ABLIM1: variants seen among roughly 807,000 people sequenced by gnomAD.
The protein encoded by ABLIM1 is actin binding LIM protein 1.
Under a neutral mutation model 107.0 loss-of-function variants are expected in ABLIM1, and 40 were observed. That is an observed-to-expected ratio of 0.37 (90% confidence interval 0.29 to 0.49). The LOEUF (loss-of-function observed/expected upper bound fraction) is 0.49, where lower values mean the gene tolerates loss of function less well. ABLIM1 is among the 20% of genes least tolerant of loss of function. The pLI is 0.97. For missense variants in ABLIM1, 857 were observed against 1,008.5 expected, an observed-to-expected ratio of 0.85 and a Z score of 2.04; for synonymous variants, 357 against 357.3, an observed-to-expected ratio of 1.00 and a Z score of 0.01.
chr10:114,546,672 C>T (rs922132409), intron 5 of ABLIM1, among the ~76,000 whole-genome samples: 1 of 152,180 alleles, frequency 6.6e-6, no homozygotes, highest in Admixed American at 6.5e-5. Context: ...GGGGCCCAAG[C>T]AACCTTTTGT....
chr10:114,605,203 T>C (rs1485973452), intron 1 of ABLIM1, among the ~76,000 whole-genome samples: 1 of 152,218 alleles, frequency 6.6e-6, no homozygotes, highest in Non-Finnish European at 1.5e-5. Context: ...CTCAAGTCAG[T>C]GTCAAGAAAG....
the ABLIM1 span, chr10:114,776,217 G>T: frequency 6.6e-6 from 1 of 151,644 alleles, no homozygotes; most frequent in Non-Finnish European, 1.5e-5. Flanking sequence ...GCAGTTTGAA[G>T]ATGTGTCATT....
At chr10:114,654,903 G>C (rs139123636) in intron 1 of ABLIM1, among the ~76,000 whole-genome samples, 292 of 152,292 alleles carry the variant, frequency 1.9e-3, no homozygotes, top group Non-Finnish European at 3.4e-3. Flanking sequence ...CATTCTAGGG[G>C]ACAAGCCTAG....
In ABLIM1 at chr10:114,472,421, T is replaced by G. The variant is rs1333513905; in HGVS notation, c.1275+556A>C. On this transcript the variant is annotated intron_variant, in intron 10 of 22. Coordinates refer to ENST00000533213, the MANE Select transcript of ABLIM1 (RefSeq NM_002313.7). ...AACTAGCAGCAGAATGGCTGTCACA[T>G]GGTCAAAGTCAAACAATCGGCATGT... 3.3e-5 allele frequency among the ~76,000 whole-genome samples: 5 copies of G among 152,104 alleles called. No homozygotes were observed. The East Asian group carries it at 9.6e-4, about 29-fold the overall frequency.
At chr10:114,540,503 G>A (rs539844381) in intron 6 of ABLIM1, among the ~76,000 whole-genome samples, 1 of 152,246 alleles carries the variant, frequency 6.6e-6, no homozygotes, top group East Asian at 1.9e-4. Context: ...GGGCTTACAA[G>A]GATTAAGGAA....
intron 6 of ABLIM1, among the ~76,000 whole-genome samples, chr10:114,543,771 C>T (rs2066977340): frequency 6.6e-6 from 1 of 152,224 alleles, no homozygotes. Flanking sequence ...TCTGTCACAT[C>T]GGTGCCCAAC....
chr10:114,465,974 G>A, intron 11 of ABLIM1, 147 bp from the exon 12 acceptor site: 1 of 950,512 alleles, frequency 1.1e-6, no homozygotes, highest in Middle Eastern at 2.8e-4. Context: ...AATTTTGCAG[G>A]TATTTTATAT....
At chr10:114,744,097 G>C (rs2082337694) in intron 1 of ABLIM1, among the ~76,000 whole-genome samples, 1 of 152,234 alleles carries the variant, frequency 6.6e-6, no homozygotes, top group South Asian at 2.1e-4. Context: ...TGGGACCACA[G>C]TTCTGTTGGT....
chr10:114,779,711 T>C, the ABLIM1 span: 1 of 152,220 alleles, frequency 6.6e-6, no homozygotes, highest in Admixed American at 6.5e-5. Context: ...GAATGTTGCA[T>C]AGTATGGATA....
At chr10:114,580,942 G>C (rs768832293) in intron 2 of ABLIM1, among the ~76,000 whole-genome samples, 4 of 152,160 alleles carry the variant, frequency 2.6e-5, no homozygotes, top group Admixed American at 6.5e-5. Flanking sequence ...TAGTGAAAGA[G>C]ATTAATTGCT....
intron 12 of ABLIM1, chr10:114,463,308 GA>G: frequency 1.2e-6 from 1 of 816,524 alleles, no homozygotes; most frequent in Non-Finnish European, 1.7e-6. Context: ...GGAGGAAGGA[GA>G]AAGGGTTAAG....
At chr10:114,516,524 C>CA (rs1397284955) in intron 6 of ABLIM1, among the ~76,000 whole-genome samples, 2 of 151,692 alleles carry the variant, frequency 1.3e-5, no homozygotes, top group Admixed American at 6.6e-5. Flanking sequence ...ACTCTGTCTC[C>CA]AAAAAAAGCC....
chr10:114,795,035 C>T, the ABLIM1 span, among the ~76,000 whole-genome samples: 1 of 152,052 alleles, frequency 6.6e-6, no homozygotes, highest in Non-Finnish European at 1.5e-5. Context: ...TCTAATGAAA[C>T]TTAAACCAAC....
At chr10:114,570,994 C>T (rs189841762) in intron 4 of ABLIM1, among the ~76,000 whole-genome samples, 1 of 152,128 alleles carries the variant, frequency 6.6e-6, no homozygotes, top group African/African-American at 2.4e-5. Context: ...TTCAAGGGCT[C>T]CCTTTTCTCC....
At chr10:114,578,014 G>A (rs751983268) in intron 2 of ABLIM1, among the ~76,000 whole-genome samples, 1 of 151,970 alleles carries the variant, frequency 6.6e-6, no homozygotes, top group Non-Finnish European at 1.5e-5. Context: ...CTCCTCCTCT[G>A]TCTACTCCTT....
At chr10:114,468,918 G>A (rs1485340694) in intron 10 of ABLIM1, among the ~76,000 whole-genome samples, 1 of 152,032 alleles carries the variant, frequency 6.6e-6, no homozygotes, top group Non-Finnish European at 1.5e-5. Flanking sequence ...CAGGCGCGGT[G>A]GCGGGCGCCT....
At chr10:114,798,215 G>A in the ABLIM1 span, among the ~76,000 whole-genome samples, 1 of 152,278 alleles carries the variant, frequency 6.6e-6, no homozygotes, top group East Asian at 1.9e-4. Flanking sequence ...GAGGTCAGGA[G>A]TTCGAGACCA....
intron 14 of ABLIM1, chr10:114,450,218 A>AAAAC (rs11384652): frequency 9.6e-6 from 2 of 208,328 alleles, no homozygotes; most frequent in African/African-American, 5.2e-5. Context: ...CCATAAAAAA[A>AAAAC]AAAAAACAAA....
chr10:114,438,100 G>C (rs369361241), intron 21 of ABLIM1, among the ~76,000 whole-genome samples, 176 bp from the exon 22 acceptor site: 3 of 152,168 alleles, frequency 2.0e-5, no homozygotes, highest in East Asian at 3.8e-4. Context: ...CCAGGGGACA[G>C]GGACAGAATC....
Sources: gnomAD v4.1 joint callset for allele counts (sites outside exome capture counted in the v4.1 genomes callset) on GRCh38, gnomAD v4.1.1 for gene constraint, MANE v1.5 for transcripts, NCBI Gene and HGNC (gene_info 2026-07-23, HGNC 2026-07-21) for gene names.